SFI1: variants seen among roughly 807,000 people sequenced by gnomAD.
SFI1 encodes the protein SFI1 centrin binding protein, also known as protein SFI1 homolog.
A neutral mutation model predicts 207.5 loss-of-function variants in SFI1; 195 were observed. That is an observed-to-expected ratio of 0.94 (90% CI 0.84 to 1.06). The LOEUF (loss-of-function observed/expected upper bound fraction) is 1.06, where lower values mean the gene tolerates loss of function less well. SFI1 is among the 50% of genes least tolerant of loss of function. The pLI, the probability that SFI1 is intolerant of heterozygous loss-of-function variation, is 0.00. For synonymous variants in SFI1, 630 were observed against 598.9 expected, an observed-to-expected ratio of 1.05 and a Z score of -0.76; for missense variants, 1,634 against 1,588.0, an observed-to-expected ratio of 1.03 and a Z score of -0.49.
chr22:31,572,291 A>G (rs1422587785), intron 8 of SFI1, among the ~76,000 whole-genome samples: 2 of 152,210 alleles, frequency 1.3e-5, no homozygotes, highest in African/African-American at 4.8e-5. Context: ...TCTTCAGATT[A>G]GGACATGCAT....
intron 14 of SFI1, among the ~76,000 whole-genome samples, chr22:31,586,621 T>A (rs1452090910): frequency 2.0e-5 from 3 of 152,222 alleles, no homozygotes; most frequent in Admixed American, 6.5e-5. Context: ...GAAAAGACAT[T>A]GCCACTTGTT....
In SFI1 at chr22:31,585,213, G is replaced by T. The variant is rs965821924; in HGVS notation, c.1413+79G>T. ...TTGCTTTGGAAAGATTCTTGGAAAA[G>T]ACCTATGCCAAGAAGTCTTATCGTT... On this transcript the variant is annotated intron_variant, in intron 14 of 32. Transcript: ENST00000400288. The T allele has an allele frequency of 3.2e-6, 4 of 1,260,370 alleles. No homozygotes were observed. In the African/African-American group the frequency reaches 4.5e-5, roughly 14 times the overall value. The allele number at this position is 1,260,370 out of a possible 1,614,324, so 78.1% of individuals were successfully genotyped here.
At chr22:31,590,983 T>TGA (rs758845391) in intron 15 of SFI1, among the ~76,000 whole-genome samples, 22 of 138,488 alleles carry the variant, frequency 1.6e-4, no homozygotes, top group African/African-American at 5.8e-4. Flanking sequence ...TTATTTATTT[T>TGA]TTTATTGATA....
chr22:31,556,947 A>G lies in SFI1; in HGVS notation c.550A>G (p.Lys184Glu). 3 of 1,599,446 alleles carry G rather than the reference A, an allele frequency of 1.9e-6. No individual in the cohort carries two copies. Among genetic ancestry groups the G allele is most frequent in the Non-Finnish European group, 2.6e-6 (3 of 1,171,950 alleles). Reference protein sequence around the residue: ...KYIRAEVHDAKQKMRQAWKSW... With the variant: ...KYIRAEVHDAEQKMRQAWKSW... Reference sequence around the variant, plus strand: ...AATCTCTTTGGTGAATCTAGATGCAAAGCAAAAGATGCGACAGGCCTGGAA... The same window carrying G: ...AATCTCTTTGGTGAATCTAGATGCAGAGCAAAAGATGCGACAGGCCTGGAA... The change falls in exon 7 of 33, where the codon AAG becomes GAG. Residue 184 changes from lysine to glutamate, a missense_variant. By Grantham distance (56) the Lys-to-Glu change is moderately conservative. Coordinates refer to ENST00000400288, the MANE Select transcript of SFI1 (RefSeq NM_001007467.3).
intron 2 of SFI1, among the ~76,000 whole-genome samples, chr22:31,516,954 CAAAT>C (rs1310502105): frequency 1.3e-5 from 2 of 150,784 alleles, no homozygotes; most frequent in African/African-American, 2.4e-5. Flanking sequence ...AACTCAGTCT[CAAAT>C]AAACAAACAA....
Position 31,525,258 on chromosome 22 carries a change from G to A in SFI1, c.93-3432G>A, listed in dbSNP as rs140626891. The stretch of plus-strand genomic sequence containing the variant: ...CTAGACGTTTGAAGTATTTCTTCTC[G>A]TAGCTTTCTAGTTTTGGATCTTACA... On this transcript the variant is annotated intron_variant, in intron 2 of 32. Coordinates refer to ENST00000400288, the MANE Select transcript of SFI1 (RefSeq NM_001007467.3). Among the ~76,000 whole-genome samples the A allele has an allele frequency of 1.8e-3, 271 of 152,144 alleles. 1 individual carries two copies. The highest frequency in any genetic ancestry group is 6.2e-3 in the African/African-American group (256 of 41,502).
intron 4 of SFI1, among the ~76,000 whole-genome samples, chr22:31,539,611 T>C (rs1002670388): frequency 1.3e-5 from 2 of 152,140 alleles, no homozygotes; most frequent in Admixed American, 6.6e-5. Context: ...AGATCCTTTT[T>C]TCTTTGTATT....
At chr22:31,598,725 T>TTTTTTTTTTTTTG (rs2067582440) in intron 15 of SFI1, among the ~76,000 whole-genome samples, 1 of 125,106 alleles carries the variant, frequency 8.0e-6, no homozygotes, top group Non-Finnish European at 1.6e-5. Context: ...CCTTTTTTTT[T>TTTTTTTTTTTTTG]TTTTTTTTTT....
chr22:31,602,173 GT>G (rs1569443429), intron 15 of SFI1, 38 bp from the exon 16 acceptor site: 2 of 1,541,410 alleles, frequency 1.3e-6, no homozygotes, highest in African/African-American at 2.7e-5. Context: ...TAATTTTTAT[GT>G]TTGTTTTAAG....
intron 1 of SFI1, 122 bp from the exon 2 acceptor site, chr22:31,508,133 C>T: frequency 5.2e-6 from 3 of 572,228 alleles, no homozygotes; most frequent in Non-Finnish European, 9.5e-6. Flanking sequence ...AGACCTAGCC[C>T]ACATTCATCT....
chr22:31,563,279 C>T (rs911667545), intron 8 of SFI1, among the ~76,000 whole-genome samples: 4 of 152,048 alleles, frequency 2.6e-5, no homozygotes, highest in African/African-American at 9.7e-5. Context: ...AGGCGTGAAC[C>T]ACCGCGCCTG....
At chr22:31,600,686 G>C (rs1236494166) in intron 15 of SFI1, among the ~76,000 whole-genome samples, 1 of 152,214 alleles carries the variant, frequency 6.6e-6, no homozygotes, top group Non-Finnish European at 1.5e-5. Flanking sequence ...GGGAGGCTCT[G>C]CTTAGCCTCC....
intron 5 of SFI1, among the ~76,000 whole-genome samples, chr22:31,548,668 G>A (rs1434427122): frequency 1.3e-5 from 2 of 151,564 alleles, no homozygotes; most frequent in African/African-American, 4.8e-5. Context: ...AATTAGCTGG[G>A]CATGGTGGCA....
chr22:31,590,979 ATTTT>A lies in SFI1; in HGVS notation c.1544+1406_1544+1409del, dbSNP rs201390550. ...TATTTATTTATTTATTTATTTATTT[ATTTT>A]TTTATTGATAATTCTTGGGTGTTTC... On this transcript the variant is annotated intron_variant, in intron 15 of 32. Transcript: ENST00000400288. Among the ~76,000 whole-genome samples, 45 of 142,210 alleles carry A rather than the reference ATTTT, an allele frequency of 3.2e-4. 1 individual carries two copies. Among genetic ancestry groups the A allele is most frequent in the Admixed American group, 5.6e-4 (8 of 14,320 alleles). The allele number at this position is 142,210 out of a possible 152,430, so 93.3% of individuals were successfully genotyped here.
chr22:31,602,291 A>G lies in SFI1; in HGVS notation c.1624A>G (p.Met542Val). 2 of 1,613,700 alleles carry G rather than the reference A, an allele frequency of 1.2e-6. No homozygotes were observed. The highest frequency in any genetic ancestry group is 1.7e-6 in the Non-Finnish European group (2 of 1,179,690). Residue 542 changes from methionine (M) to valine (V), a missense_variant and splice_region_variant, in exon 16 of 33, where the codon ATG (methionine) becomes GTG (valine). By Grantham distance (21) the Met-to-Val change is conservative. Transcript: ENST00000400288. ...QHRENRLAER[M>V]AILHAERQLL... ...TCGAGAAAACCGCCTGGCAGAGAGA[A>G]TGGTAAATGGCTGTCCCTGAGGAGA...
At chr22:31,598,789 CTTTTT>C (rs1203871840) in intron 15 of SFI1, among the ~76,000 whole-genome samples, 4,090 of 64,420 alleles carry the variant, frequency 0.063, 90 homozygotes, top group African/African-American at 0.072. Flanking sequence ...TCCAGTTTAT[CTTTTT>C]TTTTTTTTTT....
chr22:31,578,551 C>G, intron 11 of SFI1, 99 bp downstream of exon 11: 2 of 1,088,112 alleles, frequency 1.8e-6, no homozygotes, highest in South Asian at 1.7e-5. Flanking sequence ...TAAATGCAGT[C>G]AGCTATGGGT....
rs951585957 is a variant in SFI1 at position 31,496,543 on chromosome 22, G to C, written c.-125G>C. On this transcript the variant is annotated 5_prime_UTR_variant, in exon 1 of 33. Transcript: ENST00000400288. Reference sequence around the variant, plus strand: ...AGAGGCGCGCGAAGCGCTGAGGCGGGCGTGGACCGCGCGGGAGTTAAGAAG... The same window carrying C: ...AGAGGCGCGCGAAGCGCTGAGGCGGCCGTGGACCGCGCGGGAGTTAAGAAG... The C allele has an allele frequency of 7.2e-5, 11 of 152,276 alleles. No individual in the cohort carries two copies. Among genetic ancestry groups the C allele is most frequent in the Admixed American group, 6.5e-5 (1 of 15,290 alleles). 9.4% of individuals were successfully genotyped at this position (152,276 alleles called of 1,614,324 possible). A position where few individuals can be genotyped will look rare whatever the true frequency, so the allele number is the denominator to read the frequency against.
chr22:31,524,165 G>T (rs1199085375), intron 2 of SFI1, among the ~76,000 whole-genome samples: 1 of 151,996 alleles, frequency 6.6e-6, no homozygotes, highest in Non-Finnish European at 1.5e-5. Flanking sequence ...TGGCGCCATT[G>T]CACTCCAGCC....
Sources: gnomAD v4.1 joint callset for allele counts (sites outside exome capture counted in the v4.1 genomes callset) on GRCh38, gnomAD v4.1.1 for gene constraint, MANE v1.5 for transcripts, NCBI Gene and HGNC (gene_info 2026-07-23, HGNC 2026-07-21) for gene names.